CPNE8: variants seen among roughly 807,000 people sequenced by gnomAD.
CPNE8 encodes the protein copine 8, also known as copine-8.
Under a neutral mutation model 81.5 loss-of-function variants are expected in CPNE8, and 45 were observed. The ratio of observed to expected loss-of-function variants is 0.55; its 90% CI spans 0.44 to 0.71. CPNE8 has a LOEUF of 0.71. Ranked by LOEUF, CPNE8 falls within the 30% of genes least tolerant of loss-of-function variation. The pLI is 0.00. For synonymous variants in CPNE8, 252 were observed against 226.3 expected, an observed-to-expected ratio of 1.11 and a Z score of -1.02; for missense variants, 594 against 672.1, an observed-to-expected ratio of 0.88 and a Z score of 1.28.
chr12:38,684,413 G>T (rs1306331580), intron 16 of CPNE8, among the ~76,000 whole-genome samples: 1 of 151,946 alleles, frequency 6.6e-6, no homozygotes, highest in African/African-American at 2.4e-5. Flanking sequence ...GTATGTACAG[G>T]GTTAATATAT....
chr12:38,771,582 T>C (rs1941805201), intron 7 of CPNE8, among the ~76,000 whole-genome samples: 1 of 152,216 alleles, frequency 6.6e-6, no homozygotes, highest in Admixed American at 6.5e-5. Flanking sequence ...TGTATCAAAA[T>C]AAGTTGAGAT....
At chr12:38,797,439 G>T (rs550520374) in intron 6 of CPNE8, among the ~76,000 whole-genome samples, 3 of 152,208 alleles carry the variant, frequency 2.0e-5, no homozygotes, top group African/African-American at 7.2e-5. Context: ...AGGCAAACAG[G>T]GTCTGGAGTG....
At chr12:38,831,752 T>A (rs1399527067) in intron 5 of CPNE8, among the ~76,000 whole-genome samples, 2 of 152,194 alleles carry the variant, frequency 1.3e-5, no homozygotes, top group East Asian at 3.8e-4. Flanking sequence ...TTAAGTCTCA[T>A]GACAGCTAGA....
chr12:38,659,539 A>G (rs1457728240), intron 19 of CPNE8, among the ~76,000 whole-genome samples: 2 of 152,212 alleles, frequency 1.3e-5, no homozygotes, highest in African/African-American at 4.8e-5. Context: ...GCTCTGCACC[A>G]AGCAGAACTA....
intron 13 of CPNE8, among the ~76,000 whole-genome samples, chr12:38,723,094 C>T (rs1002165093): frequency 2.6e-5 from 4 of 152,024 alleles, no homozygotes; most frequent in Admixed American, 6.5e-5. Flanking sequence ...TTACCCAGTT[C>T]GGGGTAGTTT....
intron 10 of CPNE8, among the ~76,000 whole-genome samples, chr12:38,743,900 T>C (rs1941166931): frequency 6.6e-6 from 1 of 152,188 alleles, no homozygotes; most frequent in Non-Finnish European, 1.5e-5. Flanking sequence ...AAGCTGAATT[T>C]TTATTGGCAG....
rs1369352191 is a variant in CPNE8 at position 38,713,415 on chromosome 12, A to C, written c.914+10357T>G. 3.9e-5 allele frequency among the ~76,000 whole-genome samples: 6 copies of C among 152,162 alleles called. No homozygotes were observed. In the South Asian group the frequency reaches 8.3e-4, roughly 21 times the overall value. On this transcript the variant is annotated intron_variant, in intron 13 of 19. Coordinates refer to ENST00000331366, the MANE Select transcript of CPNE8 (RefSeq NM_153634.3). ...AGTTCAGCTGAGACAAATTCGGTAG[A>C]GGCAATACAAAAGCATGTTTTCTTA...
intron 6 of CPNE8, among the ~76,000 whole-genome samples, chr12:38,800,127 A>T (rs7975657): frequency 2.3e-4 from 26 of 113,362 alleles, no homozygotes; most frequent in South Asian, 7.3e-4. Context: ...CAAAGCAGCC[A>T]GGAAGCTCGA....
intron 13 of CPNE8, among the ~76,000 whole-genome samples, chr12:38,703,386 A>G (rs544631553): frequency 5.9e-5 from 9 of 152,092 alleles, no homozygotes; most frequent in Admixed American, 1.3e-4. Flanking sequence ...CAATCCCCCA[A>G]ACACACGATT....
chr12:38,868,133 A>G (rs1258844473), intron 3 of CPNE8, among the ~76,000 whole-genome samples: 2 of 152,138 alleles, frequency 1.3e-5, no homozygotes, highest in African/African-American at 4.8e-5. Context: ...AAATACAAAC[A>G]TAACCACTAT....
At chr12:38,748,763 A>G (rs185163981) in intron 10 of CPNE8, among the ~76,000 whole-genome samples, 1 of 152,238 alleles carries the variant, frequency 6.6e-6, no homozygotes, top group East Asian at 1.9e-4. Context: ...CAGTATTTTT[A>G]AGGATATTAA....
chr12:38,746,321 G>A (rs1941227033), intron 10 of CPNE8, among the ~76,000 whole-genome samples: 1 of 152,172 alleles, frequency 6.6e-6, no homozygotes, highest in Non-Finnish European at 1.5e-5. Context: ...GGATTACCAT[G>A]AATGGGGGAA....
intron 6 of CPNE8, among the ~76,000 whole-genome samples, chr12:38,794,650 T>TAA (rs61223251): frequency 7.2e-6 from 1 of 139,236 alleles, no homozygotes. Flanking sequence ...AAAACTACTA[T>TAA]AAAAAAAAAA....
intron 11 of CPNE8, among the ~76,000 whole-genome samples, chr12:38,729,220 C>A (rs191855943): frequency 1.7e-3 from 254 of 152,196 alleles, no homozygotes; most frequent in African/African-American, 5.8e-3. Flanking sequence ...TACGTAATTA[C>A]AACCTGTCTT....
intron 6 of CPNE8, among the ~76,000 whole-genome samples, chr12:38,806,423 C>T (rs1228302223): frequency 1.3e-5 from 2 of 149,450 alleles, no homozygotes. Context: ...TGGGCTTCAT[C>T]CCTGGGATGC....
chr12:38,729,618 A>G (rs1001974873), intron 11 of CPNE8, among the ~76,000 whole-genome samples: 8 of 152,168 alleles, frequency 5.3e-5, no homozygotes, highest in Non-Finnish European at 1.0e-4. Context: ...CCTGGAAGGG[A>G]AGTATTACCA....
intron 1 of CPNE8, among the ~76,000 whole-genome samples, chr12:38,884,300 T>A (rs1565662146): frequency 6.6e-6 from 1 of 152,192 alleles, no homozygotes; most frequent in Admixed American, 6.5e-5. Flanking sequence ...ATACAATATG[T>A]GCTCTTTTTG....
chr12:38,816,321 C>T (rs1216386147), intron 6 of CPNE8, among the ~76,000 whole-genome samples: 2 of 152,126 alleles, frequency 1.3e-5, no homozygotes, highest in Non-Finnish European at 2.9e-5. Context: ...CAACAGGTCT[C>T]TACAATACAA....
intron 11 of CPNE8, chr12:38,726,278 A>AAG (rs1940695176): frequency 6.6e-6 from 1 of 151,970 alleles, no homozygotes; most frequent in Non-Finnish European, 1.5e-5. Flanking sequence ...AAAAAAAAAA[A>AAG]CAAAACTTTA....
Sources: gnomAD v4.1 joint callset for allele counts (sites outside exome capture counted in the v4.1 genomes callset) on GRCh38, gnomAD v4.1.1 for gene constraint, MANE v1.5 for transcripts, NCBI Gene and HGNC (gene_info 2026-07-23, HGNC 2026-07-21) for gene names.